FBN2: variants seen among roughly 807,000 people sequenced by gnomAD.
FBN2 encodes the protein fibrillin-2.
FBN2 carries 105 observed loss-of-function variants against 355.6 expected under a neutral mutation model. The observed-to-expected ratio is 0.30, with a 90% CI of 0.25 to 0.35. The LOEUF is 0.35. FBN2 is among the 10% of genes least tolerant of loss of function. The pLI is 1.00. For synonymous variants in FBN2, 1,350 were observed against 1,301.2 expected, an observed-to-expected ratio of 1.04 and a Z score of -0.81; for missense variants, 3,280 against 3,758.7, an observed-to-expected ratio of 0.87 and a Z score of 3.33.
chr5:128,398,771 G>C (rs1581263969), intron 8 of FBN2, among the ~76,000 whole-genome samples: 1 of 152,276 alleles, frequency 6.6e-6, no homozygotes, highest in East Asian at 1.9e-4. Context: ...GGAGGGACCT[G>C]GTGGGAGGTA....
intron 34 of FBN2, among the ~76,000 whole-genome samples, chr5:128,322,747 A>G (rs934510029): frequency 2.6e-5 from 4 of 151,922 alleles, no homozygotes; most frequent in Non-Finnish European, 4.4e-5. Flanking sequence ...CTTTTTGCTT[A>G]GGATTATCTG....
intron 42 of FBN2, among the ~76,000 whole-genome samples, 172 bp downstream of exon 42, chr5:128,306,963 T>C (rs887868730): frequency 6.6e-6 from 1 of 152,220 alleles, no homozygotes; most frequent in Non-Finnish European, 1.5e-5. Context: ...AGTATCATTA[T>C]TAATACTTGG....
At chr5:128,518,518 C>T (rs760030278) in intron 5 of FBN2, among the ~76,000 whole-genome samples, 3 of 152,230 alleles carry the variant, frequency 2.0e-5, no homozygotes, top group Non-Finnish European at 4.4e-5. Context: ...CCTGCTGCAA[C>T]GACAGGTCCT....
chr5:128,408,657 CAAAA>C lies in FBN2; in HGVS notation c.1078+13_1078+16del. The C allele has an allele frequency of 6.2e-7, 1 of 1,613,864 alleles. No homozygotes were observed. Among genetic ancestry groups the C allele is most frequent in the Non-Finnish European group, 8.5e-7 (1 of 1,179,802 alleles). ...ATAAAGACCCAGTGTATTGAGCCTT[CAAAA>C]TGCGAGGCTTACCGATGCATCGAGA... On this transcript the variant is annotated intron_variant, in intron 8 of 64. Transcript: ENST00000262464.
chr5:128,507,703 T>A (rs1478051604), intron 5 of FBN2, among the ~76,000 whole-genome samples: 1 of 152,062 alleles, frequency 6.6e-6, no homozygotes, highest in African/African-American at 2.4e-5. Flanking sequence ...TTTAATATGA[T>A]CTTTCTTGCT....
intron 11 of FBN2, 35 bp downstream of exon 11, chr5:128,391,983 A>C (rs760277407): frequency 9.8e-5 from 156 of 1,599,412 alleles, no homozygotes; most frequent in Non-Finnish European, 1.3e-4. Flanking sequence ...CTACTAAAAA[A>C]ACTAAGAAGG....
intron 11 of FBN2, among the ~76,000 whole-genome samples, chr5:128,389,243 G>A (rs1012113864): frequency 6.6e-6 from 1 of 152,230 alleles, no homozygotes; most frequent in African/African-American, 2.4e-5. Flanking sequence ...CTATGTGCAT[G>A]TGTGCCAGCA....
In FBN2 at chr5:128,263,181, G is replaced by A. The variant is rs41298328; in HGVS notation, c.8192+244C>T. Among the ~76,000 whole-genome samples the A allele has an allele frequency of 0.02, 2,990 of 152,264 alleles. 40 individuals carry two copies. The highest frequency in any genetic ancestry group is 0.039 in the Admixed American group (590 of 15,292). ...GAATCAATTCAGGCCCTTAATAAGA[G>A]GAGCAAAGAGTGATATTTACATACA... On this transcript the variant is annotated intron_variant, in intron 63 of 64. Transcript: ENST00000262464.
At chr5:128,276,697 T>C (rs1765402430) in intron 58 of FBN2, among the ~76,000 whole-genome samples, 1 of 152,110 alleles carries the variant, frequency 6.6e-6, no homozygotes, top group African/African-American at 2.4e-5. Context: ...CCTTATTTCC[T>C]CAACTCCCTC....
intron 20 of FBN2, among the ~76,000 whole-genome samples, chr5:128,351,399 T>C (rs1196793089): frequency 6.6e-6 from 1 of 151,918 alleles, no homozygotes; most frequent in Admixed American, 6.6e-5. Context: ...ATACAAAAAT[T>C]AGCCAGGCTT....
At chr5:128,350,302 G>A (rs1196165614) in intron 21 of FBN2, among the ~76,000 whole-genome samples, 1 of 152,226 alleles carries the variant, frequency 6.6e-6, no homozygotes, top group African/African-American at 2.4e-5. Context: ...GCTCACGCCT[G>A]TAATCCCAGC....
intron 11 of FBN2, among the ~76,000 whole-genome samples, chr5:128,387,894 C>T (rs1752409421): frequency 6.6e-6 from 1 of 152,084 alleles, no homozygotes; most frequent in Non-Finnish European, 1.5e-5. Flanking sequence ...TCTTGAATAT[C>T]TTTGTTAGTT....
At chr5:128,470,105 G>A (rs577984940) in intron 5 of FBN2, among the ~76,000 whole-genome samples, 2 of 152,296 alleles carry the variant, frequency 1.3e-5, no homozygotes, top group East Asian at 3.9e-4. Context: ...GGGCTGGAAG[G>A]GAATGAGTCT....
intron 5 of FBN2, among the ~76,000 whole-genome samples, chr5:128,489,001 T>C (rs1288724270): frequency 2.0e-5 from 3 of 152,282 alleles, no homozygotes; most frequent in Non-Finnish European, 2.9e-5. Context: ...TTTATAGTCC[T>C]TTGGGTATAT....
chr5:128,333,099 T>G, intron 31 of FBN2, 65 bp from the exon 32 acceptor site: 1 of 1,379,710 alleles, frequency 7.2e-7, no homozygotes, highest in East Asian at 2.3e-5. Flanking sequence ...CTTCCAAGTA[T>G]ATTTTTGTAT....
Position 128,363,727 on chromosome 5 carries a change from A to G in FBN2, c.2428+873T>C, listed in dbSNP as rs532335386. Among the ~76,000 whole-genome samples the G allele has an allele frequency of 1.5e-3, 236 of 152,290 alleles. 2 individuals carry two copies. The highest frequency in any genetic ancestry group is 5.4e-3 in the African/African-American group (223 of 41,568). On this transcript the variant is annotated intron_variant, in intron 18 of 64. Transcript: ENST00000262464. ...TCACTTCTGGAGAATAAAAACTAGC[A>G]TGGTTTGCATGTTGTTAGAAATGTT...
intron 11 of FBN2, among the ~76,000 whole-genome samples, chr5:128,383,219 A>T (rs1752279561): frequency 1.3e-5 from 2 of 152,100 alleles, no homozygotes; most frequent in South Asian, 4.1e-4. Flanking sequence ...AATGATTTTC[A>T]ACAAGGTGCA....
chr5:128,395,457 C>T (rs1052228087), intron 8 of FBN2, among the ~76,000 whole-genome samples, 183 bp from the exon 9 acceptor site: 7 of 152,130 alleles, frequency 4.6e-5, no homozygotes, highest in African/African-American at 7.2e-5. Context: ...CAATGAAAGA[C>T]GTGGAGCAGA....
intron 20 of FBN2, among the ~76,000 whole-genome samples, chr5:128,355,473 T>A (rs1487687850): frequency 1.3e-5 from 2 of 152,206 alleles, no homozygotes; most frequent in Non-Finnish European, 2.9e-5. Context: ...AAAAATAGAT[T>A]CTAAATCTTT....
Sources: gnomAD v4.1 joint callset for allele counts (sites outside exome capture counted in the v4.1 genomes callset) on GRCh38, gnomAD v4.1.1 for gene constraint, MANE v1.5 for transcripts, NCBI Gene and HGNC (gene_info 2026-07-23, HGNC 2026-07-21) for gene names.